The following CAMKMT variants were observed in gnomAD, a reference collection of about 807,000 sequenced individuals.
CAMKMT encodes the protein CaM KMT.
CAMKMT carries 53 observed loss-of-function variants against 48.0 expected under a neutral mutation model. The observed-to-expected ratio is 1.10, with a 90% CI of 0.89 to 1.39. The LOEUF (loss-of-function observed/expected upper bound fraction) is 1.39, where lower values mean the gene tolerates loss of function less well. Among genes scored for constraint, CAMKMT ranks in the 40% most tolerant of loss-of-function variants. The pLI is 0.00. For missense variants in CAMKMT, 428 were observed against 402.7 expected, an observed-to-expected ratio of 1.06 and a Z score of -0.54; for synonymous variants, 165 against 152.3, an observed-to-expected ratio of 1.08 and a Z score of -0.61.
At chr2:44,631,746 G>T in intron 3 of CAMKMT, 1 of 376,074 alleles carries the variant, frequency 2.7e-6, no homozygotes, top group Non-Finnish European at 4.7e-6. Flanking sequence ...CTTGCTATTT[G>T]TTTTCTGTTT....
intron 3 of CAMKMT, among the ~76,000 whole-genome samples, chr2:44,499,263 T>G (rs894483649): frequency 2.0e-5 from 3 of 152,206 alleles, no homozygotes; most frequent in African/African-American, 7.2e-5. Context: ...TGTGAGGTTC[T>G]TTACTTGAAT....
intron 3 of CAMKMT, among the ~76,000 whole-genome samples, chr2:44,536,509 G>C (rs1300478263): frequency 6.6e-6 from 1 of 151,756 alleles, no homozygotes; most frequent in Non-Finnish European, 1.5e-5. Context: ...TGTATTTTTA[G>C]TAGAGATGGG....
At chr2:44,514,101 C>CAA (rs5830791) in intron 3 of CAMKMT, among the ~76,000 whole-genome samples, 4 of 115,312 alleles carry the variant, frequency 3.5e-5, no homozygotes, top group African/African-American at 1.3e-4. Context: ...GACCCTGTCT[C>CAA]AAAAAAAAAA....
chr2:44,372,536 T>C (rs1014974356), intron 1 of CAMKMT, among the ~76,000 whole-genome samples, 180 bp from the exon 2 acceptor site: 2 of 152,234 alleles, frequency 1.3e-5, no homozygotes, highest in Non-Finnish European at 2.9e-5. Flanking sequence ...CTTCAAGTAA[T>C]GCTTTAAAAT....
chr2:44,373,618 A>G (rs547288376), intron 2 of CAMKMT, among the ~76,000 whole-genome samples: 1 of 152,222 alleles, frequency 6.6e-6, no homozygotes, highest in Non-Finnish European at 1.5e-5. Context: ...TTAAGTGTAA[A>G]TGTGACTGAA....
At chr2:44,400,930 G>GTGTATA (rs1491109565) in intron 3 of CAMKMT, 2 of 64,252 alleles carry the variant, frequency 3.1e-5, no homozygotes, top group Non-Finnish European at 2.8e-5. Context: ...TTATGTGTGT[G>GTGTATA]TATATATATA....
At chr2:44,475,356 C>G (rs1668633797) in intron 3 of CAMKMT, among the ~76,000 whole-genome samples, 1 of 148,672 alleles carries the variant, frequency 6.7e-6, no homozygotes, top group Non-Finnish European at 1.5e-5. Flanking sequence ...CTTGCTCTGT[C>G]ACCCAGGCTG....
At chr2:44,429,102 TGA>T in intron 3 of CAMKMT, among the ~76,000 whole-genome samples, 1 of 152,184 alleles carries the variant, frequency 6.6e-6, no homozygotes, top group South Asian at 2.1e-4. Context: ...CAGGGCTCCT[TGA>T]GCCCCACCAG....
intron 3 of CAMKMT, among the ~76,000 whole-genome samples, chr2:44,455,874 T>G (rs927622970): frequency 1.4e-4 from 21 of 152,314 alleles, no homozygotes; most frequent in African/African-American, 4.8e-4. Flanking sequence ...CGTTGGTCCT[T>G]AATTAAAGGT....
chr2:44,696,774 A>G (rs1425042436), intron 3 of CAMKMT, among the ~76,000 whole-genome samples: 3 of 152,198 alleles, frequency 2.0e-5, no homozygotes, highest in African/African-American at 7.2e-5. Flanking sequence ...AAACAGAAAA[A>G]AACAACTTGA....
At chr2:44,713,270 A>C (rs186315820) in intron 6 of CAMKMT, among the ~76,000 whole-genome samples, 2 of 152,258 alleles carry the variant, frequency 1.3e-5, no homozygotes, top group African/African-American at 4.8e-5. Flanking sequence ...TAACAAAATA[A>C]TATGTTTTGC....
At chr2:44,619,307 G>A (rs1572931527) in intron 3 of CAMKMT, among the ~76,000 whole-genome samples, 1 of 152,226 alleles carries the variant, frequency 6.6e-6, no homozygotes, top group African/African-American at 2.4e-5. Flanking sequence ...GTACTTCTGT[G>A]TTATATAGAT....
chr2:44,662,094 C>T (rs1674708272), intron 3 of CAMKMT, among the ~76,000 whole-genome samples: 1 of 152,182 alleles, frequency 6.6e-6, no homozygotes, highest in African/African-American at 2.4e-5. Flanking sequence ...CTAACAGATA[C>T]TGTTGTCCAC....
intron 3 of CAMKMT, among the ~76,000 whole-genome samples, chr2:44,699,403 C>A (rs1677139522): frequency 6.6e-6 from 1 of 152,172 alleles, no homozygotes; most frequent in African/African-American, 2.4e-5. Context: ...CATCAGTGCC[C>A]TTTGGTGACC....
At chr2:44,729,628 A>G (rs1471832963) in intron 7 of CAMKMT, among the ~76,000 whole-genome samples, 1 of 152,188 alleles carries the variant, frequency 6.6e-6, no homozygotes, top group Non-Finnish European at 1.5e-5. Context: ...CCACTCCCAT[A>G]AGAATGTTGG....
At chr2:44,544,591 A>G (rs1241729402) in intron 3 of CAMKMT, among the ~76,000 whole-genome samples, 1 of 152,236 alleles carries the variant, frequency 6.6e-6, no homozygotes, top group Non-Finnish European at 1.5e-5. Context: ...AAATCACAGC[A>G]TGAGGCTTAA....
chr2:44,625,697 G>A (rs1224043401), intron 3 of CAMKMT, among the ~76,000 whole-genome samples: 1 of 152,044 alleles, frequency 6.6e-6, no homozygotes, highest in Non-Finnish European at 1.5e-5. Context: ...TACAGTGTGA[G>A]GTAAGGGTCG....
intron 3 of CAMKMT, among the ~76,000 whole-genome samples, chr2:44,465,106 G>C (rs1572573812): frequency 6.6e-6 from 1 of 151,914 alleles, no homozygotes; most frequent in South Asian, 2.1e-4. Context: ...AATATAAAAA[G>C]ATACGTAATT....
intron 3 of CAMKMT, among the ~76,000 whole-genome samples, chr2:44,593,909 A>G (rs1044650785): frequency 7.9e-5 from 12 of 151,818 alleles, no homozygotes; most frequent in Admixed American, 2.6e-4. Context: ...GACTACAGGC[A>G]TGTACCACCA....
Sources: allele counts gnomAD v4.1 joint callset (sites outside exome capture counted in the v4.1 genomes callset), GRCh38; gene constraint gnomAD v4.1.1; transcripts MANE v1.5; gene names NCBI Gene and HGNC (gene_info 2026-07-23, HGNC 2026-07-21).